The following ARHGEF17 variants were observed in gnomAD, a reference collection of about 807,000 sequenced individuals.
The protein encoded by ARHGEF17 is Rho guanine nucleotide exchange factor 17, also known as 164 kDa Rho-specific guanine-nucleotide exchange factor.
A neutral mutation model predicts 174.0 loss-of-function variants in ARHGEF17; 80 were observed. The observed-to-expected ratio is 0.46, with a 90% CI of 0.38 to 0.55. The LOEUF is 0.55. Among genes scored for constraint, ARHGEF17 ranks in the 20% least tolerant of loss-of-function variants. The pLI is 0.00. For synonymous variants in ARHGEF17, 1,311 were observed against 1,189.1 expected, an observed-to-expected ratio of 1.10 and a Z score of -2.11; for missense variants, 2,886 against 2,839.7, an observed-to-expected ratio of 1.02 and a Z score of -0.37.
chr11:73,362,322 G>T (rs933403473), intron 13 of ARHGEF17, 83 bp downstream of exon 13: 17 of 1,446,328 alleles, frequency 1.2e-5, no homozygotes, highest in South Asian at 2.9e-5. Flanking sequence ...GGCCGCCCCG[G>T]CGTGGTTGTG....
chr11:73,355,494 G>A (rs1565205600), intron 3 of ARHGEF17, 39 bp from the exon 4 acceptor site: 1 of 1,434,504 alleles, frequency 7.0e-7, no homozygotes, highest in Non-Finnish European at 9.8e-7. Flanking sequence ...TGGGGTGAGG[G>A]ACACCTTGAG....
chr11:73,314,011 C>T (rs945182737), intron 1 of ARHGEF17, among the ~76,000 whole-genome samples: 21 of 152,216 alleles, frequency 1.4e-4, no homozygotes, highest in African/African-American at 5.1e-4. Context: ...ACCTGGTGGA[C>T]TGCAGTAGCC....
chr11:73,324,953 C>G (rs1314667853), intron 1 of ARHGEF17, among the ~76,000 whole-genome samples: 1 of 152,114 alleles, frequency 6.6e-6, no homozygotes, highest in Non-Finnish European at 1.5e-5. Flanking sequence ...GGACCCTTCT[C>G]TTGGTGCTGG....
At chr11:73,345,893 T>G (rs914916878) in intron 1 of ARHGEF17, among the ~76,000 whole-genome samples, 2 of 151,438 alleles carry the variant, frequency 1.3e-5, no homozygotes, top group African/African-American at 4.9e-5. Flanking sequence ...GGGCTTGGAG[T>G]GGAGTCTCTG....
rs549040328 is a variant in ARHGEF17, at chr11:73,368,787, A to T, written c.*1007A>T. On this transcript the variant is annotated 3_prime_UTR_variant, in exon 21 of 21. Coordinates refer to ENST00000263674, the MANE Select transcript of ARHGEF17 (RefSeq NM_014786.4). ...AAGCCCCTTCAGGAAGGACCCCCCA[A>T]AGCTGAGGGGCTGAATGTAGCCTTT... The T allele has an allele frequency of 1.3e-5, 2 of 152,128 alleles. No homozygotes were observed. Among genetic ancestry groups the T allele is most frequent in the Non-Finnish European group, 2.9e-5 (2 of 67,986 alleles). 9.4% of individuals were successfully genotyped at this position (152,128 alleles called of 1,614,324 possible).
Position 73,362,246 on chromosome 11 carries a change from C to A in ARHGEF17, c.4694+7C>A. On this transcript the variant is annotated splice_region_variant and intron_variant, in intron 13 of 20. Transcript: ENST00000263674. ...TGCAGCCTCGCTGCCACCGGTGAGG[C>A]CTGGGCGGCGGGGTGGGCGGCACCG... 1 of 1,518,278 alleles carries A rather than the reference C, an allele frequency of 6.6e-7. No individual in the cohort carries two copies. The highest frequency in any genetic ancestry group is 8.8e-7 in the Non-Finnish European group (1 of 1,137,994). 94.1% of individuals were successfully genotyped at this position (1,518,278 alleles called of 1,614,324 possible). A position where few individuals can be genotyped will look rare whatever the true frequency, so the allele number is the denominator to read the frequency against.
chr11:73,319,047 C>T (rs1004871833), intron 1 of ARHGEF17, among the ~76,000 whole-genome samples: 2 of 151,938 alleles, frequency 1.3e-5, no homozygotes, highest in African/African-American at 2.4e-5. Context: ...TTGCTCACCC[C>T]GTACCTCCTT....
chr11:73,308,980 G>A lies in ARHGEF17; in HGVS notation c.342G>A (p.Ala114=). 7.3e-7 allele frequency: 1 copy of A among 1,363,590 alleles called. No homozygotes were observed. Among genetic ancestry groups the A allele is most frequent in the Non-Finnish European group, 9.4e-7 (1 of 1,062,678 alleles). 84.5% of individuals were successfully genotyped at this position (1,363,590 alleles called of 1,614,324 possible). A position where few individuals can be genotyped will look rare whatever the true frequency, so the allele number is the denominator to read the frequency against. The change falls in exon 1 of 21, where the codon GCG becomes GCA. Residue 114 remains alanine (A), a synonymous_variant. Coordinates refer to ENST00000263674, the MANE Select transcript of ARHGEF17 (RefSeq NM_014786.4). Reference sequence around the variant, plus strand: ...TCTTACCCGCGGCCGCGGAAGAAGCGGCCGAGGGCCCAGCGCGAGGAGCCT... The same window carrying A: ...TCTTACCCGCGGCCGCGGAAGAAGCAGCCGAGGGCCCAGCGCGAGGAGCCT... ...GGVLPAAAEE[A]AEGPARGAWP...
intron 2 of ARHGEF17, among the ~76,000 whole-genome samples, chr11:73,351,378 C>T (rs1003999604): frequency 2.0e-5 from 3 of 152,162 alleles, no homozygotes; most frequent in Non-Finnish European, 2.9e-5. Context: ...GCGACCTCTC[C>T]ACAAGCGCAC....
intron 20 of ARHGEF17, among the ~76,000 whole-genome samples, chr11:73,366,892 T>G (rs1283580331): frequency 1.3e-5 from 2 of 152,074 alleles, no homozygotes; most frequent in Non-Finnish European, 2.9e-5. Flanking sequence ...ATACAAAAAC[T>G]AGCTGGGTGT....
In ARHGEF17 at chr11:73,368,328, C is replaced by G. The variant is rs963382832; in HGVS notation, c.*548C>G. ...CTCTAACCAAGCCTTCCTGGAGGGA[C>G]CCATGCGCCCCTGAGCCCCATTCCA... On this transcript the variant is annotated 3_prime_UTR_variant, in exon 21 of 21. Coordinates refer to ENST00000263674, the MANE Select transcript of ARHGEF17 (RefSeq NM_014786.4). 1.3e-5 allele frequency: 2 copies of G among 152,818 alleles called. No homozygotes were observed. The highest frequency in any genetic ancestry group is 6.5e-5 in the Admixed American group (1 of 15,338). The allele number at this position is 152,818 out of a possible 1,614,324, so 9.5% of individuals were successfully genotyped here. A position where few individuals can be genotyped will look rare whatever the true frequency, so the allele number is the denominator to read the frequency against.
intron 1 of ARHGEF17, among the ~76,000 whole-genome samples, chr11:73,329,894 T>C (rs1865178131): frequency 6.6e-6 from 1 of 152,200 alleles, no homozygotes; most frequent in Non-Finnish European, 1.5e-5. Context: ...CTGCTGTCCA[T>C]GGGGGTCTGC....
intron 1 of ARHGEF17, among the ~76,000 whole-genome samples, chr11:73,336,927 C>T (rs1432874986): frequency 1.3e-5 from 2 of 152,226 alleles, no homozygotes; most frequent in African/African-American, 4.8e-5. Flanking sequence ...GGCTTCCCCA[C>T]AACGTGGAGG....
chr11:73,363,122 C>T (rs1865775546), intron 14 of ARHGEF17, 84 bp from the exon 15 acceptor site: 3 of 1,449,914 alleles, frequency 2.1e-6, no homozygotes, highest in Admixed American at 2.8e-5. Flanking sequence ...AGGGGCATGG[C>T]CAGGAGGGAT....
chr11:73,353,114 G>A, intron 3 of ARHGEF17, 102 bp downstream of exon 3: 1 of 1,433,224 alleles, frequency 7.0e-7, no homozygotes, highest in Non-Finnish European at 9.5e-7. Context: ...CCTGGATACT[G>A]ACTCTGTTTC....
intron 1 of ARHGEF17, among the ~76,000 whole-genome samples, chr11:73,320,299 G>C (rs766861160): frequency 3.3e-5 from 5 of 152,060 alleles, no homozygotes; most frequent in Non-Finnish European, 5.9e-5. Flanking sequence ...GTAGTCGATG[G>C]GGGCAGTATC....
chr11:73,345,512 G>T (rs935670012), intron 1 of ARHGEF17, among the ~76,000 whole-genome samples: 1 of 152,034 alleles, frequency 6.6e-6, no homozygotes, highest in South Asian at 2.1e-4. Context: ...CAAGCAGAGG[G>T]GGAGCAGTGG....
At position 73,356,261 on chromosome 11, in the gene ARHGEF17, C is replaced by T; in HGVS notation, c.3750C>T (p.Arg1250=). 1 of 1,613,906 alleles carries T rather than the reference C, an allele frequency of 6.2e-7. No individual in the cohort carries two copies. Among genetic ancestry groups the T allele is most frequent in the Non-Finnish European group, 8.5e-7 (1 of 1,180,026 alleles). Residue 1250 remains arginine, a synonymous_variant, in exon 6 of 21, where the codon CGC becomes CGT. Coordinates refer to ENST00000263674, the MANE Select transcript of ARHGEF17 (RefSeq NM_014786.4). ...GGAACATCAAGCAGGTGGCTGAGCG[C>T]ATCAACAAGGGTGTGCGGAGTGCCG... The part of the protein sequence containing the change: ...AQRNIKQVAE[R]INKGVRSAEE...
chr11:73,322,790 C>T (rs1423849276), intron 1 of ARHGEF17, among the ~76,000 whole-genome samples: 1 of 152,002 alleles, frequency 6.6e-6, no homozygotes, highest in African/African-American at 2.4e-5. Context: ...AGAGGAAGGG[C>T]TGGGAGCACT....
Sources: allele counts gnomAD v4.1 joint callset (sites outside exome capture counted in the v4.1 genomes callset), GRCh38; gene constraint gnomAD v4.1.1; transcripts MANE v1.5; gene names NCBI Gene and HGNC (gene_info 2026-07-23, HGNC 2026-07-21).